The following ANO10 variants were observed in gnomAD, a reference collection of about 807,000 sequenced individuals.
ANO10 encodes anoctamin 10.
A neutral mutation model predicts 74.7 loss-of-function variants in ANO10; 77 were observed. The observed-to-expected ratio is 1.03, with a 90% confidence interval of 0.86 to 1.25. ANO10 has a LOEUF of 1.25. Ranked by LOEUF, ANO10 falls within the 50% of genes most tolerant of loss-of-function variation. ANO10 has a pLI of 0.00. For synonymous variants in ANO10, 279 were observed against 284.9 expected, an observed-to-expected ratio of 0.98 and a Z score of 0.21; for missense variants, 721 against 778.1, an observed-to-expected ratio of 0.93 and a Z score of 0.87.
chr3:43,479,241 CAT>C (rs1457235401), intron 11 of ANO10, among the ~76,000 whole-genome samples: 1 of 152,218 alleles, frequency 6.6e-6, no homozygotes, highest in Non-Finnish European at 1.5e-5. Flanking sequence ...TATCATGTCT[CAT>C]GTGGTAAAAA....
chr3:43,469,520 A>T (rs376840375), intron 11 of ANO10, among the ~76,000 whole-genome samples: 1 of 152,132 alleles, frequency 6.6e-6, no homozygotes, highest in East Asian at 1.9e-4. Context: ...CATTAATTGC[A>T]CTGTTAGGAG....
chr3:43,497,462 C>T (rs2076957456), intron 11 of ANO10, among the ~76,000 whole-genome samples: 1 of 152,244 alleles, frequency 6.6e-6, no homozygotes, highest in African/African-American at 2.4e-5. Flanking sequence ...AAGCAGCACA[C>T]ACTTTCTGCT....
At chr3:43,683,878 T>G (rs1003552185) in intron 1 of ANO10, among the ~76,000 whole-genome samples, 1 of 152,202 alleles carries the variant, frequency 6.6e-6, no homozygotes, top group Admixed American at 6.5e-5. Context: ...GCTAGCCATA[T>G]GTAGAAAGCT....
chr3:43,517,724 T>A (rs767873182), intron 11 of ANO10, among the ~76,000 whole-genome samples: 1 of 152,218 alleles, frequency 6.6e-6, no homozygotes, highest in African/African-American at 2.4e-5. Flanking sequence ...TTGTGCAAAC[T>A]AATGCATACT....
At chr3:43,678,313 G>A (rs935879068) in intron 1 of ANO10, among the ~76,000 whole-genome samples, 17 of 152,156 alleles carry the variant, frequency 1.1e-4, no homozygotes, top group African/African-American at 3.4e-4. Context: ...TGCAATAAGG[G>A]AAGAGACCAC....
intron 12 of ANO10, among the ~76,000 whole-genome samples, chr3:43,402,711 T>C (rs948093640): frequency 6.6e-6 from 1 of 152,194 alleles, no homozygotes; most frequent in Non-Finnish European, 1.5e-5. Flanking sequence ...CCAGCGACCC[T>C]TAGCCAGCCC....
chr3:43,563,418 GT>G (rs35992992), intron 8 of ANO10, among the ~76,000 whole-genome samples: 91,961 of 112,232 alleles, frequency 0.82, 37,574 homozygotes, highest in East Asian at 0.96. Context: ...ATGGCGAGAG[GT>G]TTTTTTTTTT....
At chr3:43,479,827 T>C (rs1441983360) in intron 11 of ANO10, among the ~76,000 whole-genome samples, 2 of 152,182 alleles carry the variant, frequency 1.3e-5, no homozygotes, top group African/African-American at 2.4e-5. Flanking sequence ...AAGACACTCC[T>C]TGACCCCTCT....
intron 11 of ANO10, among the ~76,000 whole-genome samples, chr3:43,500,969 C>T (rs553666389): frequency 2.0e-5 from 3 of 152,234 alleles, no homozygotes; most frequent in Non-Finnish European, 2.9e-5. Flanking sequence ...GGGCGCTGTA[C>T]GTACAGTTGA....
chr3:43,577,790 C>T (rs1198115363), intron 5 of ANO10, among the ~76,000 whole-genome samples: 1 of 152,146 alleles, frequency 6.6e-6, no homozygotes, highest in East Asian at 1.9e-4. Flanking sequence ...AAAAATTATT[C>T]AAAAGCACAA....
intron 11 of ANO10, among the ~76,000 whole-genome samples, chr3:43,513,959 T>C (rs948675596): frequency 6.6e-6 from 1 of 150,566 alleles, no homozygotes; most frequent in Admixed American, 6.6e-5. Flanking sequence ...ATTTATAACA[T>C]AGATGTTTGC....
At chr3:43,594,575 C>T (rs2081980150) in intron 4 of ANO10, among the ~76,000 whole-genome samples, 1 of 152,140 alleles carries the variant, frequency 6.6e-6, no homozygotes, top group African/African-American at 2.4e-5. Context: ...AGAATAAAGA[C>T]ACAACATACC....
chr3:43,622,445 T>A (rs948973067), upstream of ANO10, among the ~76,000 whole-genome samples: 10 of 152,180 alleles, frequency 6.6e-5, no homozygotes, highest in Non-Finnish European at 1.5e-5. Context: ...CCCCTTCACA[T>A]TTCCCTCTTC....
At chr3:43,636,094 C>A (rs1465845305) in intron 1 of ANO10, among the ~76,000 whole-genome samples, 1 of 151,708 alleles carries the variant, frequency 6.6e-6, no homozygotes, top group African/African-American at 2.4e-5. Flanking sequence ...GACCCTGAAA[C>A]AAAGATTCAA....
chr3:43,598,409 T>C (rs1298335202), intron 4 of ANO10, 123 bp downstream of exon 4: 1 of 959,430 alleles, frequency 1.0e-6, no homozygotes, highest in African/African-American at 1.6e-5. Flanking sequence ...AGGGAAAAGA[T>C]ATGTTCATAA....
chr3:43,431,650 G>T (rs2092983044), intron 12 of ANO10, among the ~76,000 whole-genome samples: 1 of 152,018 alleles, frequency 6.6e-6, no homozygotes. Flanking sequence ...CACCTACTGT[G>T]TGGCAAACAT....
intron 11 of ANO10, among the ~76,000 whole-genome samples, chr3:43,504,507 C>T (rs1358963438): frequency 6.6e-6 from 1 of 152,032 alleles, no homozygotes; most frequent in Non-Finnish European, 1.5e-5. Context: ...CTGATTGCAA[C>T]TGTAGCTATC....
chr3:43,614,177 T>C (rs2082972407), intron 1 of ANO10, among the ~76,000 whole-genome samples: 1 of 152,234 alleles, frequency 6.6e-6, no homozygotes, highest in East Asian at 1.9e-4. Flanking sequence ...CATTGTTCAA[T>C]GTGAGTAATA....
At chr3:43,597,616 G>T (rs2082152130) in intron 4 of ANO10, among the ~76,000 whole-genome samples, 1 of 151,988 alleles carries the variant, frequency 6.6e-6, no homozygotes, top group African/African-American at 2.4e-5. Flanking sequence ...CTGTTGTAGG[G>T]TGGGGGCATG....
Sources: gnomAD v4.1 joint callset for allele counts (sites outside exome capture counted in the v4.1 genomes callset) on GRCh38, gnomAD v4.1.1 for gene constraint, MANE v1.5 for transcripts, NCBI Gene and HGNC (gene_info 2026-07-23, HGNC 2026-07-21) for gene names.